Variants in RYR2 observed in about 807,000 individuals in gnomAD.
RYR2 encodes cardiac muscle ryanodine receptor-calcium release channel.
Under a neutral mutation model 601.1 loss-of-function variants are expected in RYR2, and 227 were observed. The ratio of observed to expected loss-of-function variants is 0.38; its 90% CI spans 0.34 to 0.42. RYR2 has a LOEUF of 0.42. RYR2 is among the 10% of genes least tolerant of loss of function. The probability of loss-of-function intolerance (pLI) is 1.00; values close to 1 mark genes in which losing one functional copy is unlikely to be tolerated. For synonymous variants in RYR2, 2,223 were observed against 2,175.1 expected, an observed-to-expected ratio of 1.02 and a Z score of -0.61; for missense variants, 4,646 against 6,156.5, an observed-to-expected ratio of 0.75 and a Z score of 8.21.
At chr1:237,216,765 A>C (rs1179027244) in intron 1 of RYR2, among the ~76,000 whole-genome samples, 3 of 151,078 alleles carry the variant, frequency 2.0e-5, no homozygotes, top group Admixed American at 1.3e-4. Flanking sequence ...AAAAAAAAAA[A>C]CAAAAAACAA....
At chr1:237,149,786 A>T (rs1350372920) in intron 1 of RYR2, among the ~76,000 whole-genome samples, 2 of 151,458 alleles carry the variant, frequency 1.3e-5, no homozygotes, top group Non-Finnish European at 2.9e-5. Context: ...TTCATGTGAA[A>T]TGAAGTCCGA....
intron 1 of RYR2, among the ~76,000 whole-genome samples, chr1:237,219,180 T>G (rs531027988): frequency 1.3e-5 from 2 of 152,022 alleles, no homozygotes; most frequent in African/African-American, 2.4e-5. Flanking sequence ...CCCAGCTAAT[T>G]TTTTTCTTTG....
At chr1:237,211,469 A>G (rs1682563303) in intron 1 of RYR2, among the ~76,000 whole-genome samples, 1 of 152,174 alleles carries the variant, frequency 6.6e-6, no homozygotes, top group Non-Finnish European at 1.5e-5. Context: ...GAGGAAATGA[A>G]GGTTTAGATA....
At chr1:237,700,730 A>G (rs748708570) in intron 65 of RYR2, among the ~76,000 whole-genome samples, 2 of 152,224 alleles carry the variant, frequency 1.3e-5, no homozygotes, top group Non-Finnish European at 2.9e-5. Context: ...TGAAGTTTCC[A>G]AATGATCACT....
In RYR2 at chr1:237,783,740, GTGGAGATGATTCTCAAAT is replaced by G; in HGVS notation, c.12030_12047del (p.Glu4011_Phe4016del). ...TATGCTTGTGGAATCTTCCAACAACGTGGAGATGATTCTCAAATTTTTTGACATGTTCTTAAAACTAAA... is the reference window on the plus strand; with the variant it reads ...TATGCTTGTGGAATCTTCCAACAACGTTTTTGACATGTTCTTAAAACTAAA... On this transcript the variant is annotated inframe_deletion, in exon 90 of 105. Transcript: ENST00000366574. 3 of 1,612,614 alleles carry G rather than the reference GTGGAGATGATTCTCAAAT, an allele frequency of 1.9e-6. No individual in the cohort carries two copies. The highest frequency in any genetic ancestry group is 2.5e-6 in the Non-Finnish European group (3 of 1,179,226).
chr1:237,147,421 A>G (rs890648932), intron 1 of RYR2, among the ~76,000 whole-genome samples: 3 of 152,342 alleles, frequency 2.0e-5, no homozygotes, highest in Admixed American at 1.3e-4. Flanking sequence ...GGGTGGAAAT[A>G]CACACAAATT....
Position 237,094,711 on chromosome 1 carries a change from C to G in RYR2, c.48+52142C>G, listed in dbSNP as rs369728201. 4.6e-5 allele frequency among the ~76,000 whole-genome samples: 7 copies of G among 152,294 alleles called. No homozygotes were observed. The East Asian group carries it at 1.2e-3, about 25-fold the overall frequency. ...GGTTCACGCCATTCTCCTGCCTTAGCCTTCCGAGTAGCTGGGACTACAGGC... is the reference window on the plus strand; with the variant it reads ...GGTTCACGCCATTCTCCTGCCTTAGGCTTCCGAGTAGCTGGGACTACAGGC... On this transcript the variant is annotated intron_variant, in intron 1 of 104. Coordinates refer to ENST00000366574, the MANE Select transcript of RYR2 (RefSeq NM_001035.3).
intron 1 of RYR2, among the ~76,000 whole-genome samples, chr1:237,117,458 T>A (rs1388307323): frequency 6.6e-6 from 1 of 152,292 alleles, no homozygotes; most frequent in African/African-American, 2.4e-5. Flanking sequence ...GGGACTCATT[T>A]TTTTTCTCTT....
chr1:237,825,905 A>T (rs879071712), intron 101 of RYR2, among the ~76,000 whole-genome samples: 8 of 152,202 alleles, frequency 5.3e-5, no homozygotes, highest in Admixed American at 5.2e-4. Context: ...CAGCCAACAA[A>T]CATATGAAAA....
At chr1:237,276,310 G>A (rs1291965973) in intron 2 of RYR2, among the ~76,000 whole-genome samples, 2 of 152,096 alleles carry the variant, frequency 1.3e-5, no homozygotes, top group African/African-American at 4.8e-5. Flanking sequence ...ATGTTGGCCA[G>A]GCTGGTCTAG....
rs577159993 is a variant in RYR2, at chr1:237,152,617, T to C, written c.48+110048T>C. 6.8e-4 allele frequency among the ~76,000 whole-genome samples: 104 copies of C among 152,318 alleles called. 1 individual carries two copies. Among genetic ancestry groups the C allele is most frequent in the Non-Finnish European group, 1.4e-3 (95 of 68,038 alleles). On this transcript the variant is annotated intron_variant, in intron 1 of 104. Transcript: ENST00000366574. ...CTCTAATCATCAGTGATGTTGAGCT[T>C]TTTTTCACGTTTGTTGGCTGCATGA...
intron 17 of RYR2, among the ~76,000 whole-genome samples, chr1:237,477,024 GA>G (rs1243484311): frequency 6.6e-6 from 1 of 152,126 alleles, no homozygotes; most frequent in Non-Finnish European, 1.5e-5. Flanking sequence ...TTAGCCAGAG[GA>G]ATAAAAGAGG....
At chr1:237,048,521 CATCCTTGCAT>C (rs1402624353) in intron 1 of RYR2, among the ~76,000 whole-genome samples, 2 of 152,248 alleles carry the variant, frequency 1.3e-5, no homozygotes, top group Non-Finnish European at 1.5e-5. Flanking sequence ...CCTCAGCTCA[CATCCTTGCAT>C]ATCCTGTCTA....
intron 78 of RYR2, among the ~76,000 whole-genome samples, chr1:237,732,645 T>C (rs1690791796): frequency 6.6e-6 from 1 of 152,190 alleles, no homozygotes; most frequent in Non-Finnish European, 1.5e-5. Context: ...TCTTGTCTTC[T>C]GCAGCCTTAG....
At chr1:237,346,776 T>C (rs368050723) in intron 3 of RYR2, among the ~76,000 whole-genome samples, 1 of 152,344 alleles carries the variant, frequency 6.6e-6, no homozygotes, top group South Asian at 2.1e-4. Flanking sequence ...GTAAATTTCT[T>C]TCTCGAACTG....
chr1:237,800,778 A>C (rs1388647143), intron 97 of RYR2, among the ~76,000 whole-genome samples: 1 of 152,222 alleles, frequency 6.6e-6, no homozygotes, highest in East Asian at 1.9e-4. Flanking sequence ...TGTAATCTGC[A>C]AAGATCACAA....
At chr1:237,771,968 G>C (rs1261771905) in intron 85 of RYR2, 44 bp from the exon 86 acceptor site, 1 of 1,146,124 alleles carries the variant, frequency 8.7e-7, no homozygotes, top group Non-Finnish European at 1.3e-6. Flanking sequence ...GACTCAACTT[G>C]AACTTCTGAG....
At chr1:237,519,607 A>C (rs971595632) in intron 24 of RYR2, among the ~76,000 whole-genome samples, 2 of 151,956 alleles carry the variant, frequency 1.3e-5, no homozygotes, top group African/African-American at 4.8e-5. Flanking sequence ...ATGTAGCTTT[A>C]TTTCTGGGTT....
chr1:237,163,813 C>G (rs1051811434), intron 1 of RYR2, among the ~76,000 whole-genome samples: 2 of 152,224 alleles, frequency 1.3e-5, no homozygotes, highest in South Asian at 4.1e-4. Context: ...TGAGCCTGCT[C>G]ATGTGCACAC....
Sources: gnomAD v4.1 joint callset for allele counts (sites outside exome capture counted in the v4.1 genomes callset) on GRCh38, gnomAD v4.1.1 for gene constraint, MANE v1.5 for transcripts, NCBI Gene and HGNC (gene_info 2026-07-23, HGNC 2026-07-21) for gene names.